The following ZNF284 variants were observed in gnomAD, a reference collection of about 807,000 sequenced individuals.
The protein encoded by ZNF284 is zinc finger protein 284.
A neutral mutation model predicts 12.9 loss-of-function variants in ZNF284; 12 were observed. The ratio of observed to expected loss-of-function variants is 0.93; its 90% CI spans 0.60 to 1.51. The LOEUF (loss-of-function observed/expected upper bound fraction) is 1.51, where lower values mean the gene tolerates loss of function less well. ZNF284 is among the 40% of genes most tolerant of loss of function. ZNF284 has a pLI of 0.00. For missense variants in ZNF284, 667 were observed against 707.3 expected, an observed-to-expected ratio of 0.94 and a Z score of 0.65; for synonymous variants, 225 against 236.5, an observed-to-expected ratio of 0.95 and a Z score of 0.45.
At chr19:44,083,474 T>TATATATATATAGAGAGAGAGAGAGAG (rs746837013) in intron 4 of ZNF284, among the ~76,000 whole-genome samples, 2 of 64,926 alleles carry the variant, frequency 3.1e-5, no homozygotes, top group African/African-American at 9.9e-5. Context: ...TATATATATA[T>TATATATATATAGAGAGAGAGAGAGAG]AGAGAGAGAG....
chr19:44,075,745 AATT>A (rs1967016297), intron 1 of ZNF284, among the ~76,000 whole-genome samples: 1 of 152,100 alleles, frequency 6.6e-6, no homozygotes, highest in African/African-American at 2.4e-5. Flanking sequence ...GTAGATTAAC[AATT>A]ATTTTTTCCA....
intron 3 of ZNF284, among the ~76,000 whole-genome samples, chr19:44,081,715 A>C (rs189798543): frequency 2.5e-3 from 374 of 152,230 alleles, no homozygotes; most frequent in African/African-American, 8.4e-3. Context: ...CCGTCTCAAA[A>C]AAAAACAAAA....
At chr19:44,080,072 A>T (rs903365238) in intron 2 of ZNF284, among the ~76,000 whole-genome samples, 14 of 152,238 alleles carry the variant, frequency 9.2e-5, no homozygotes, top group Non-Finnish European at 1.9e-4. Context: ...AAACGAATGC[A>T]TGTAGGCAAA....
intron 1 of ZNF284, 98 bp from the exon 2 acceptor site, chr19:44,076,224 A>C (rs771171927): frequency 5.2e-6 from 3 of 575,888 alleles, no homozygotes; most frequent in Non-Finnish European, 6.0e-6. Flanking sequence ...TGAACATTCA[A>C]GTGCTAATTC....
At position 44,086,786 on chromosome 19, in the gene ZNF284, C is replaced by T. The variant is rs758224408; in HGVS notation, c.1308C>T (p.Tyr436=). ...LYKCQKCGKG[Y]ISKFNLDLHQ... is the part of the protein sequence containing the mutation. ...AATGTCAGAAGTGTGGGAAGGGCTA[C>T]ATTAGTAAGTTTAATCTTGACTTGC... is the stretch of plus-strand genomic sequence containing the variant. Residue 436 remains tyrosine, a synonymous_variant, in exon 5 of 5, where the codon TAC becomes TAT. Transcript: ENST00000421176. 45 of 1,613,980 alleles carry T rather than the reference C, an allele frequency of 2.8e-5. No homozygotes were observed. The highest frequency in any genetic ancestry group is 3.3e-5 in the Admixed American group (2 of 59,996).
chr19:44,085,385 C>T (rs542583787), intron 4 of ZNF284: 4 of 191,728 alleles, frequency 2.1e-5, no homozygotes, highest in Admixed American at 1.6e-4. Context: ...CTACCCTTAA[C>T]GTTCCTTCTG....
At chr19:44,078,335 C>A (rs1029399978) in intron 2 of ZNF284, among the ~76,000 whole-genome samples, 17 of 152,024 alleles carry the variant, frequency 1.1e-4, no homozygotes, top group Non-Finnish European at 1.9e-4. Context: ...TTAAGAAAAA[C>A]CAGGGTAATA....
At position 44,087,147 on chromosome 19, in the gene ZNF284, C is replaced by G. The variant is rs764944179; in HGVS notation, c.1669C>G (p.Gln557Glu). ...TGAGCACAGTTCATGCCTTCAAGAC[C>G]AACAAAGCGACCACAGTGGAGAAAA... ...SSEHSSCLQD[Q>E]QSDHSGEKTS... The change falls in exon 5 of 5, where the codon CAA becomes GAA. Residue 557 changes from glutamine (Q) to glutamate (E), a missense_variant. Physicochemically the swap from Gln to Glu is conservative, Grantham distance 29. Coordinates refer to ENST00000421176, the MANE Select transcript of ZNF284 (RefSeq NM_001037813.4). 5 of 1,613,954 alleles carry G rather than the reference C, an allele frequency of 3.1e-6. No homozygotes were observed. The East Asian group carries it at 1.1e-4, about 36-fold the overall frequency.
At chr19:44,072,702 C>T (rs1032058610) in intron 1 of ZNF284, among the ~76,000 whole-genome samples, 2 of 152,224 alleles carry the variant, frequency 1.3e-5, no homozygotes, top group African/African-American at 4.8e-5. Flanking sequence ...GGGGTCAGAG[C>T]TCCATCTGCA....
intron 1 of ZNF284, among the ~76,000 whole-genome samples, chr19:44,075,609 T>A (rs548137566): frequency 6.6e-6 from 1 of 152,244 alleles, no homozygotes; most frequent in Non-Finnish European, 1.5e-5. Flanking sequence ...GGGAGATACA[T>A]GATTAGTGGA....
At chr19:44,073,527 C>G (rs1555772108) in intron 1 of ZNF284, among the ~76,000 whole-genome samples, 1 of 149,970 alleles carries the variant, frequency 6.7e-6, no homozygotes, top group Non-Finnish European at 1.5e-5. Flanking sequence ...AAGATAGTAA[C>G]TGTTAAACTT....
chr19:44,087,286 G>T lies in ZNF284; in HGVS notation c.*26G>T. On this transcript the variant is annotated 3_prime_UTR_variant, in exon 5 of 5. Transcript: ENST00000421176. ...TTATTGTCCATATTTATGGGTTACA[G>T]CATATTTCAATACATGTATACAATG... is the stretch of plus-strand genomic sequence containing the variant. 6.9e-7 allele frequency: 1 copy of T among 1,446,058 alleles called. No individual in the cohort carries two copies. The highest frequency in any genetic ancestry group is 9.3e-7 in the Non-Finnish European group (1 of 1,079,240). 89.6% of individuals were successfully genotyped at this position (1,446,058 alleles called of 1,614,324 possible).
intron 2 of ZNF284, among the ~76,000 whole-genome samples, chr19:44,080,268 C>G (rs370528613): frequency 1.3e-5 from 2 of 151,866 alleles, no homozygotes; most frequent in African/African-American, 4.8e-5. Context: ...CTGTCCCACA[C>G]AGGTCACTGT....
intron 1 of ZNF284, among the ~76,000 whole-genome samples, chr19:44,075,680 A>G (rs1316922534): frequency 6.6e-6 from 1 of 152,218 alleles, no homozygotes; most frequent in African/African-American, 2.4e-5. Context: ...TCATTCAACT[A>G]TAAATATTCT....
chr19:44,084,105 G>A (rs1435131503), intron 4 of ZNF284, among the ~76,000 whole-genome samples: 1 of 152,208 alleles, frequency 6.6e-6, no homozygotes, highest in Non-Finnish European at 1.5e-5. Context: ...CTTAGGTAGT[G>A]GAGGAATGAC....
rs1202075184 is a variant in ZNF284, at chr19:44,088,249, T to A, written c.*989T>A. ...GCTTCTATGATGTCAACTTTTTAGC[T>A]TCCACATATGTGTGAAAACATGTGG... On this transcript the variant is annotated 3_prime_UTR_variant, in exon 5 of 5. Transcript: ENST00000421176. The A allele has an allele frequency of 1.0e-5, 1 of 100,046 alleles. No individual in the cohort carries two copies. The highest frequency in any genetic ancestry group is 2.8e-5 in the Non-Finnish European group (1 of 35,608). 6.2% of individuals were successfully genotyped at this position (100,046 alleles called of 1,614,324 possible).
At position 44,088,469 on chromosome 19, in the gene ZNF284, A is replaced by G. The variant is rs1967299240; in HGVS notation, c.*1209A>G. ...TTGGTTCCATATGTTAGCTATTGCA[A>G]ATAGTACTATAATAAATATAGGAGT... On this transcript the variant is annotated 3_prime_UTR_variant, in exon 5 of 5. Coordinates refer to ENST00000421176, the MANE Select transcript of ZNF284 (RefSeq NM_001037813.4). 6.6e-6 allele frequency: 1 copy of G among 152,200 alleles called. No individual in the cohort carries two copies. The highest frequency in any genetic ancestry group is 2.4e-5 in the African/African-American group (1 of 41,456). 9.4% of individuals were successfully genotyped at this position (152,200 alleles called of 1,614,324 possible). A position where few individuals can be genotyped will look rare whatever the true frequency, so the allele number is the denominator to read the frequency against.
intron 4 of ZNF284, among the ~76,000 whole-genome samples, chr19:44,084,838 G>A (rs749612564): frequency 6.6e-5 from 10 of 152,110 alleles, no homozygotes; most frequent in Non-Finnish European, 1.2e-4. Context: ...TCAAAATAGC[G>A]CTGTGCCATA....
At chr19:44,081,564 T>A (rs1192778927) in intron 3 of ZNF284, among the ~76,000 whole-genome samples, 1 of 151,306 alleles carries the variant, frequency 6.6e-6, no homozygotes, top group South Asian at 2.1e-4. Context: ...ACAAAAAAAA[T>A]TGCCGGGCGT....
Sources: allele counts gnomAD v4.1 joint callset (sites outside exome capture counted in the v4.1 genomes callset), GRCh38; gene constraint gnomAD v4.1.1; transcripts MANE v1.5; gene names NCBI Gene and HGNC (gene_info 2026-07-23, HGNC 2026-07-21).